The following UBE3D variants were observed in gnomAD, a reference collection of about 807,000 sequenced individuals.
UBE3D encodes the protein ubiquitin protein ligase E3D.
A neutral mutation model predicts 49.6 loss-of-function variants in UBE3D; 48 were observed. The ratio of observed to expected loss-of-function variants is 0.97; its 90% CI spans 0.77 to 1.23. The LOEUF (loss-of-function observed/expected upper bound fraction) is 1.23, where lower values mean the gene tolerates loss of function less well. UBE3D is among the 50% of genes most tolerant of loss of function. The probability of loss-of-function intolerance (pLI) is 0.00; values close to 1 mark genes in which losing one functional copy is unlikely to be tolerated. For synonymous variants in UBE3D, 189 were observed against 174.2 expected, an observed-to-expected ratio of 1.08 and a Z score of -0.67; for missense variants, 452 against 468.4, an observed-to-expected ratio of 0.96 and a Z score of 0.32.
chr6:82,887,977 G>A (rs574745511), downstream of UBE3D, among the ~76,000 whole-genome samples: 5 of 152,190 alleles, frequency 3.3e-5, no homozygotes, highest in African/African-American at 1.2e-4. Flanking sequence ...AGAGGGTGTG[G>A]GAAATGTAAG....
At chr6:82,893,596 G>C (rs184700455) in intron 9 of UBE3D, among the ~76,000 whole-genome samples, 5 of 152,296 alleles carry the variant, frequency 3.3e-5, no homozygotes, top group Non-Finnish European at 4.4e-5. Context: ...TTTCCCAATA[G>C]TTTTGAAAAC....
chr6:82,939,343 T>C (rs959441289), intron 9 of UBE3D, among the ~76,000 whole-genome samples: 7 of 152,236 alleles, frequency 4.6e-5, no homozygotes, highest in Non-Finnish European at 8.8e-5. Context: ...AGTAAAAATA[T>C]GTATTGTTTT....
intron 8 of UBE3D, among the ~76,000 whole-genome samples, chr6:83,001,306 C>CT (rs1491047466): frequency 6.6e-6 from 1 of 152,174 alleles, no homozygotes; most frequent in East Asian, 1.9e-4. Flanking sequence ...TACAAGGTCT[C>CT]TTTTAGCTCA....
intron 9 of UBE3D, among the ~76,000 whole-genome samples, chr6:82,908,152 G>A (rs756769096): frequency 6.6e-6 from 1 of 152,176 alleles, no homozygotes; most frequent in Non-Finnish European, 1.5e-5. Flanking sequence ...AATCTAAGAT[G>A]ATAGAAAATA....
intron 9 of UBE3D, among the ~76,000 whole-genome samples, chr6:82,920,028 CT>C (rs1773213024): frequency 6.6e-6 from 1 of 152,170 alleles, no homozygotes; most frequent in South Asian, 2.1e-4. Flanking sequence ...TTTTCCAAGT[CT>C]GATTTATAAC....
At chr6:82,951,085 A>T (rs1055131887) in intron 9 of UBE3D, among the ~76,000 whole-genome samples, 2 of 152,208 alleles carry the variant, frequency 1.3e-5, no homozygotes, top group African/African-American at 4.8e-5. Flanking sequence ...TTGTACATTT[A>T]AAAATAACTA....
intron 8 of UBE3D, among the ~76,000 whole-genome samples, chr6:82,965,373 C>T (rs1461462175): frequency 6.6e-6 from 1 of 151,954 alleles, no homozygotes; most frequent in African/African-American, 2.4e-5. Flanking sequence ...CACCTGAGGT[C>T]GGGAGTTCAA....
intron 7 of UBE3D, among the ~76,000 whole-genome samples, chr6:83,020,386 CATAT>C (rs1018637337): frequency 1.4e-5 from 2 of 146,230 alleles, no homozygotes; most frequent in African/African-American, 5.1e-5. Flanking sequence ...TGTGAGTGTA[CATAT>C]ATATAGTTGT....
At chr6:82,968,620 GAT>G (rs1777121095) in intron 8 of UBE3D, among the ~76,000 whole-genome samples, 1 of 152,062 alleles carries the variant, frequency 6.6e-6, no homozygotes, top group Non-Finnish European at 1.5e-5. Flanking sequence ...AATTTTAATA[GAT>G]ATTTCTGGAA....
Position 83,020,358 on chromosome 6 carries a change from T to TA in UBE3D, c.847-1223dup, listed in dbSNP as rs557959757. ...GTGATACTGTTTTTTTTTTTTTTTTTACAAATAGACAAACACCTGTGAGTG... is the reference window on the plus strand; with the variant it reads ...GTGATACTGTTTTTTTTTTTTTTTTTAACAAATAGACAAACACCTGTGAGTG... On this transcript the variant is annotated intron_variant, in intron 7 of 9. Coordinates refer to ENST00000369747, the MANE Select transcript of UBE3D (RefSeq NM_198920.3). Among the ~76,000 whole-genome samples the TA allele has an allele frequency of 7.0e-3, 988 of 141,910 alleles. 8 individuals carry two copies. The highest frequency in any genetic ancestry group is 0.016 in the South Asian group (72 of 4,448). 93.1% of individuals were successfully genotyped at this position (141,910 alleles called of 152,430 possible). A position where few individuals can be genotyped will look rare whatever the true frequency, so the allele number is the denominator to read the frequency against.
At chr6:83,022,590 T>G in intron 6 of UBE3D, 29 bp from the exon 7 acceptor site, 1 of 1,514,970 alleles carries the variant, frequency 6.6e-7, no homozygotes, top group Non-Finnish European at 8.9e-7. Flanking sequence ...ATTTTTACAA[T>G]GTGTATCTCA....
intron 9 of UBE3D, among the ~76,000 whole-genome samples, chr6:82,917,206 C>T (rs1490004025): frequency 1.3e-5 from 2 of 151,932 alleles, no homozygotes; most frequent in African/African-American, 4.8e-5. Context: ...AGGAGCTCAA[C>T]TGGGAAGAAA....
At chr6:82,884,177 T>C in the UBE3D span, among the ~76,000 whole-genome samples, 28,507 of 152,134 alleles carry the variant, frequency 0.19, 3,306 homozygotes, top group Admixed American at 0.37. Context: ...GGATCTGTGT[T>C]ACAAAGAGCA....
chr6:83,042,199 C>A lies in UBE3D; in HGVS notation c.597+2229G>T, dbSNP rs113752096. On this transcript the variant is annotated intron_variant, in intron 4 of 9. Coordinates refer to ENST00000369747, the MANE Select transcript of UBE3D (RefSeq NM_198920.3). Reference sequence around the variant, plus strand: ...CTGGGATTACAGGCATGAGCCACTGCGCCCGGCCCAAGATGCAAAATTTGT... The same window carrying A: ...CTGGGATTACAGGCATGAGCCACTGAGCCCGGCCCAAGATGCAAAATTTGT... Among the ~76,000 whole-genome samples the A allele has an allele frequency of 9.6e-3, 1,466 of 152,256 alleles. 22 individuals are homozygous for A. Among genetic ancestry groups the A allele is most frequent in the African/African-American group, 0.034 (1,395 of 41,556 alleles).
chr6:82,890,928 C>CT (rs1176288691), downstream of UBE3D, among the ~76,000 whole-genome samples: 1 of 152,000 alleles, frequency 6.6e-6, no homozygotes, highest in Non-Finnish European at 1.5e-5. Flanking sequence ...GAAGAAAATT[C>CT]TTTTTTATGC....
chr6:82,917,553 A>G (rs987415486), intron 9 of UBE3D, among the ~76,000 whole-genome samples: 21 of 152,218 alleles, frequency 1.4e-4, no homozygotes, highest in African/African-American at 4.6e-4. Flanking sequence ...CAGTAAGTAC[A>G]TATTTAACCA....
chr6:82,956,239 A>G (rs1582459693), intron 9 of UBE3D, among the ~76,000 whole-genome samples: 2 of 152,330 alleles, frequency 1.3e-5, no homozygotes, highest in East Asian at 3.9e-4. Context: ...ATTTCTCAGC[A>G]ACGTAGGTTG....
intron 9 of UBE3D, among the ~76,000 whole-genome samples, chr6:82,956,196 C>T (rs576174554): frequency 6.6e-6 from 1 of 152,300 alleles, no homozygotes; most frequent in Admixed American, 6.5e-5. Flanking sequence ...ACATTAATAA[C>T]CCTTCAGAAG....
intron 3 of UBE3D, among the ~76,000 whole-genome samples, chr6:83,053,281 A>G (rs987186621): frequency 3.9e-5 from 6 of 152,192 alleles, no homozygotes; most frequent in African/African-American, 1.2e-4. Context: ...GAAGTACAGC[A>G]TTACTGAGAT....
Sources: allele counts gnomAD v4.1 joint callset (sites outside exome capture counted in the v4.1 genomes callset), GRCh38; gene constraint gnomAD v4.1.1; transcripts MANE v1.5; gene names NCBI Gene and HGNC (gene_info 2026-07-23, HGNC 2026-07-21).